SUGCT: variants seen among roughly 807,000 people sequenced by gnomAD.
SUGCT encodes the protein succinyl-CoA:glutarate-CoA transferase, also known as succinyl-CoA:glutarate CoA-transferase.
A neutral mutation model predicts 55.0 loss-of-function variants in SUGCT; 41 were observed. The observed-to-expected ratio is 0.74, with a 90% CI of 0.58 to 0.97. SUGCT has a LOEUF of 0.97. Ranked by LOEUF, SUGCT falls within the 50% of genes least tolerant of loss-of-function variation. The pLI, the probability that SUGCT is intolerant of heterozygous loss-of-function variation, is 0.00. For missense variants in SUGCT, 568 were observed against 547.8 expected (o/e 1.04, Z -0.37); for synonymous variants, 187 against 200.4 (o/e 0.93, Z 0.56).
chr7:40,904,592 T>A, the SUGCT span, among the ~76,000 whole-genome samples: 2 of 152,216 alleles, frequency 1.3e-5, no homozygotes, highest in African/African-American at 4.8e-5. Flanking sequence ...AGTTTCATTG[T>A]GAGAATATGA....
intron 13 of SUGCT, among the ~76,000 whole-genome samples, chr7:40,811,857 ATGCTTCCAGTTTT>A (rs1486035350): frequency 6.6e-6 from 1 of 152,148 alleles, no homozygotes. Flanking sequence ...CTCAAGGGGA[ATGCTTCCAGTTTT>A]TGCTTGTTCA....
the SUGCT span, among the ~76,000 whole-genome samples, chr7:40,954,458 C>T: frequency 0.012 from 1,847 of 152,258 alleles, 43 homozygotes; most frequent in African/African-American, 0.042. Flanking sequence ...CACCCACTGT[C>T]CTGCACCCAG....
chr7:40,429,686 TG>T (rs2151384476), intron 9 of SUGCT, among the ~76,000 whole-genome samples: 1 of 152,338 alleles, frequency 6.6e-6, no homozygotes, highest in African/African-American at 2.4e-5. Flanking sequence ...GCTGATTAGA[TG>T]GTGCACACCC....
chr7:40,276,817 G>GTGTC lies in SUGCT; in HGVS notation c.720+2177_720+2180dup, dbSNP rs1554300319. Among the ~76,000 whole-genome samples, 494 of 150,504 alleles carry GTGTC rather than the reference G, an allele frequency of 3.3e-3. 1 individual carries two copies. Among genetic ancestry groups the GTGTC allele is most frequent in the East Asian group, 0.01 (51 of 4,992 alleles). On this transcript the variant is annotated intron_variant, in intron 8 of 13. Transcript: ENST00000335693. ...TGCATGTGTGTGTGTGTGTGTGTGT[G>GTGTC]TGTCTGTCTGTCTGTCTGTGTCTGT...
At chr7:40,710,400 T>C (rs1036249329) in intron 12 of SUGCT, among the ~76,000 whole-genome samples, 3 of 152,174 alleles carry the variant, frequency 2.0e-5, no homozygotes, top group Non-Finnish European at 4.4e-5. Flanking sequence ...GGAAATAATA[T>C]AGATACAACC....
intron 13 of SUGCT, among the ~76,000 whole-genome samples, chr7:40,852,214 A>G (rs1455871872): frequency 6.6e-6 from 1 of 152,172 alleles, no homozygotes; most frequent in Non-Finnish European, 1.5e-5. Flanking sequence ...GAAACTCAGT[A>G]TTCTTCTTTG....
chr7:40,964,884 A>G, the SUGCT span: 1 of 152,146 alleles, frequency 6.6e-6, no homozygotes, highest in Non-Finnish European at 1.5e-5. Context: ...CTACCTCATC[A>G]CAACACTGGC....
intron 8 of SUGCT, among the ~76,000 whole-genome samples, chr7:40,309,936 A>T (rs1390131923): frequency 1.3e-5 from 2 of 151,498 alleles, no homozygotes; most frequent in Non-Finnish European, 2.9e-5. Flanking sequence ...TAAATAAATG[A>T]TTGAATAAAT....
chr7:40,350,081 C>T (rs1420196500), intron 9 of SUGCT, among the ~76,000 whole-genome samples: 1 of 151,956 alleles, frequency 6.6e-6, no homozygotes, highest in Non-Finnish European at 1.5e-5. Context: ...TTAGAATATA[C>T]CTAGCAGAAA....
chr7:40,689,883 C>T (rs1784616932), intron 12 of SUGCT, among the ~76,000 whole-genome samples: 1 of 152,100 alleles, frequency 6.6e-6, no homozygotes. Context: ...TGACTTACCC[C>T]TATGGATTTT....
At chr7:40,597,907 A>G (rs1798097946) in intron 12 of SUGCT, among the ~76,000 whole-genome samples, 1 of 152,082 alleles carries the variant, frequency 6.6e-6, no homozygotes, top group African/African-American at 2.4e-5. Context: ...TTTCCAGCTA[A>G]TCTTTGAGCC....
chr7:40,611,000 T>A (rs986187017), intron 12 of SUGCT, among the ~76,000 whole-genome samples: 4 of 152,182 alleles, frequency 2.6e-5, no homozygotes, highest in African/African-American at 9.6e-5. Context: ...GAAGTGGAAT[T>A]AGGGGAAAGG....
At chr7:40,890,822 A>T in the SUGCT span, among the ~76,000 whole-genome samples, 20 of 152,230 alleles carry the variant, frequency 1.3e-4, no homozygotes, top group Non-Finnish European at 2.5e-4. Context: ...ATCTAAAGAA[A>T]TGGATATCTA....
intron 13 of SUGCT, among the ~76,000 whole-genome samples, chr7:40,765,304 C>T (rs1387518397): frequency 6.6e-6 from 1 of 151,784 alleles, no homozygotes; most frequent in Non-Finnish European, 1.5e-5. Flanking sequence ...AGTTGAAATA[C>T]CAAGGTATTT....
At chr7:40,793,525 G>A (rs1790414166) in intron 13 of SUGCT, among the ~76,000 whole-genome samples, 1 of 151,826 alleles carries the variant, frequency 6.6e-6, no homozygotes, top group Non-Finnish European at 1.5e-5. Context: ...TTTCTCCTTC[G>A]ACTTTTAAAT....
chr7:40,364,506 C>G (rs1341220481), intron 9 of SUGCT, among the ~76,000 whole-genome samples: 1 of 152,064 alleles, frequency 6.6e-6, no homozygotes, highest in Non-Finnish European at 1.5e-5. Context: ...GTAGGGCAGG[C>G]CTGGTGGTGA....
intron 13 of SUGCT, among the ~76,000 whole-genome samples, chr7:40,801,150 ATAGTGAAAGTG>A (rs1790795346): frequency 6.6e-6 from 1 of 152,224 alleles, no homozygotes; most frequent in African/African-American, 2.4e-5. Context: ...AAGTGGCTTG[ATAGTGAAAGTG>A]TGTGAACACT....
intron 13 of SUGCT, among the ~76,000 whole-genome samples, chr7:40,836,221 G>A (rs371485988): frequency 1.3e-5 from 2 of 151,974 alleles, no homozygotes; most frequent in African/African-American, 4.8e-5. Context: ...TCTTGAAATG[G>A]GATGTTAGAT....
chr7:40,855,581 A>G (rs966330139), intron 13 of SUGCT, among the ~76,000 whole-genome samples: 3 of 149,984 alleles, frequency 2.0e-5, no homozygotes, highest in African/African-American at 4.9e-5. Flanking sequence ...AACATCTTTT[A>G]TTTGGTTCTC....
Sources: gnomAD v4.1 joint callset for allele counts (sites outside exome capture counted in the v4.1 genomes callset) on GRCh38, gnomAD v4.1.1 for gene constraint, MANE v1.5 for transcripts, NCBI Gene and HGNC (gene_info 2026-07-23, HGNC 2026-07-21) for gene names.